Variants in ANKRD42 observed in about 807,000 individuals in gnomAD.
ANKRD42 encodes the protein ankyrin repeat domain-containing protein 42.
A neutral mutation model predicts 51.5 loss-of-function variants in ANKRD42; 43 were observed. The observed-to-expected ratio is 0.83, with a 90% confidence interval of 0.65 to 1.08. The LOEUF (loss-of-function observed/expected upper bound fraction) is 1.08, where lower values mean the gene tolerates loss of function less well. ANKRD42 is among the 50% of genes least tolerant of loss of function. The pLI, the probability that ANKRD42 is intolerant of heterozygous loss-of-function variation, is 0.00. For missense variants in ANKRD42, 608 were observed against 629.3 expected (o/e 0.97, Z 0.36); for synonymous variants, 203 against 213.0 (o/e 0.95, Z 0.41).
chr11:83,244,146 A>G (rs1863475566), intron 9 of ANKRD42, among the ~76,000 whole-genome samples: 1 of 150,642 alleles, frequency 6.6e-6, no homozygotes, highest in Non-Finnish European at 1.5e-5. Flanking sequence ...ACATCCAGCT[A>G]ATTTTTGTAT....
chr11:83,198,856 T>G (rs1220730607), intron 2 of ANKRD42, among the ~76,000 whole-genome samples: 1 of 152,222 alleles, frequency 6.6e-6, no homozygotes, highest in Non-Finnish European at 1.5e-5. Context: ...TTTATACTCA[T>G]GAACAAACCC....
At chr11:83,208,365 T>TTGTGTG (rs747551565) in intron 3 of ANKRD42, among the ~76,000 whole-genome samples, 47 of 150,402 alleles carry the variant, frequency 3.1e-4, no homozygotes, top group African/African-American at 1.1e-3. Context: ...GTGTGTGTGT[T>TTGTGTG]TGTGTGTGTG....
rs568793310 is a variant in ANKRD42, at chr11:83,219,467, T to C, written c.587-5388T>C. 7.2e-4 allele frequency among the ~76,000 whole-genome samples: 109 copies of C among 152,290 alleles called. 1 individual carries two copies. In the East Asian group the frequency reaches 0.015, roughly 21 times the overall value. ...CTTCAAGGAGAAATCTCTGAATTAG[T>C]GACAGGAGGCGTATAGTAAGTTTAA... On this transcript the variant is annotated intron_variant, in intron 5 of 10. Coordinates refer to ENST00000533342, the MANE Select transcript of ANKRD42 (RefSeq NM_001300975.2).
intron 2 of ANKRD42, among the ~76,000 whole-genome samples, chr11:83,200,939 A>G (rs939037794): frequency 7.9e-5 from 12 of 152,036 alleles, no homozygotes; most frequent in Admixed American, 7.9e-4. Context: ...AAATTAGTCT[A>G]CTGTTCCATA....
In ANKRD42 at chr11:83,225,068, G is replaced by C; in HGVS notation, c.787+13G>C. The C allele has an allele frequency of 6.2e-7, 1 of 1,600,884 alleles. No homozygotes were observed. The highest frequency in any genetic ancestry group is 8.6e-7 in the Non-Finnish European group (1 of 1,169,572). The stretch of plus-strand genomic sequence containing the variant: ...GAGGATCAGGAAAGTAAGTAATTAA[G>C]TTATATGTTCTAGCATATAATGTGA... On this transcript the variant is annotated intron_variant, in intron 6 of 10. Coordinates refer to ENST00000533342, the MANE Select transcript of ANKRD42 (RefSeq NM_001300975.2).
At chr11:83,206,490 C>T (rs747674144) in intron 3 of ANKRD42, among the ~76,000 whole-genome samples, 11 of 152,228 alleles carry the variant, frequency 7.2e-5, no homozygotes, top group Middle Eastern at 3.4e-3. Context: ...AAATCTTAAC[C>T]CCAAGGTGAT....
chr11:83,227,675 A>G (rs1862931102), intron 6 of ANKRD42, 72 bp from the exon 7 acceptor site: 1 of 1,488,732 alleles, frequency 6.7e-7, no homozygotes, highest in South Asian at 1.4e-5. Context: ...AACCTGAAAT[A>G]TATGACAGCT....
rs1372925327 is a variant in ANKRD42, at chr11:83,194,359, G to A, written c.-312G>A. The A allele has an allele frequency of 1.2e-5, 7 of 593,124 alleles. No individual in the cohort carries two copies. The highest frequency in any genetic ancestry group is 1.9e-5 in the Non-Finnish European group (6 of 315,826). The allele number at this position is 593,124 out of a possible 1,614,324, so 36.7% of individuals were successfully genotyped here. A position where few individuals can be genotyped will look rare whatever the true frequency, so the allele number is the denominator to read the frequency against. On this transcript the variant is annotated 5_prime_UTR_variant, in exon 1 of 11. Transcript: ENST00000533342. The stretch of plus-strand genomic sequence containing the variant: ...CTGGGAGGGAGGGAGTGTCGAAGGC[G>A]GCCACAGCGTTGGTAGTTCTTGGGA...
downstream of ANKRD42, among the ~76,000 whole-genome samples, chr11:83,249,813 T>G (rs1382386762): frequency 1.3e-5 from 2 of 152,188 alleles, no homozygotes; most frequent in African/African-American, 4.8e-5. Context: ...TTATTTTCAC[T>G]TGCAAAAGCT....
At position 83,193,756 on chromosome 11, in the gene ANKRD42, G is replaced by A. The variant is rs1203173573; in HGVS notation, c.-915G>A. On this transcript the variant is annotated 5_prime_UTR_variant, in exon 1 of 11. Transcript: ENST00000533342. ...GCCCTGCTGCCTCTCCAGCCAAGTG[G>A]CTGGAGTCGGGAGGCTGGAAAGAGA... The A allele has an allele frequency of 2.3e-6, 1 of 436,660 alleles. No homozygotes were observed. The allele number at this position is 436,660 out of a possible 1,614,324, so 27.0% of individuals were successfully genotyped here. A position where few individuals can be genotyped will look rare whatever the true frequency, so the allele number is the denominator to read the frequency against.
At chr11:83,196,028 G>A (rs1861639596) in intron 1 of ANKRD42, among the ~76,000 whole-genome samples, 1 of 151,966 alleles carries the variant, frequency 6.6e-6, no homozygotes, top group Admixed American at 6.6e-5. Context: ...TGTATTTTTA[G>A]TAGAAACGGA....
In ANKRD42 at chr11:83,248,756, C is replaced by G; in HGVS notation, c.*552C>G. ...CATGTTTGTTGTATAGTGTTAAAAA[C>G]AAGATAGATGTTCCTTCTGACACTA... On this transcript the variant is annotated 3_prime_UTR_variant, in exon 11 of 11. Coordinates refer to ENST00000533342, the MANE Select transcript of ANKRD42 (RefSeq NM_001300975.2). The G allele has an allele frequency of 1.0e-6, 1 of 975,896 alleles. No homozygotes were observed. The highest frequency in any genetic ancestry group is 1.2e-6 in the Non-Finnish European group (1 of 821,308). The allele number at this position is 975,896 out of a possible 1,614,324, so 60.5% of individuals were successfully genotyped here.
At chr11:83,214,393 T>C (rs1862448113) in intron 5 of ANKRD42, 1 of 978,794 alleles carries the variant, frequency 1.0e-6, no homozygotes, top group Non-Finnish European at 1.2e-6. Context: ...GTTTTATTTT[T>C]GTATTGTCCT....
At chr11:83,219,498 G>A (rs1430383076) in intron 5 of ANKRD42, among the ~76,000 whole-genome samples, 1 of 152,182 alleles carries the variant, frequency 6.6e-6, no homozygotes, top group African/African-American at 2.4e-5. Context: ...TTTAAAGGGG[G>A]TGGTGGATGT....
intron 5 of ANKRD42, among the ~76,000 whole-genome samples, 159 bp from the exon 6 acceptor site, chr11:83,224,696 A>G (rs1862819394): frequency 6.6e-6 from 1 of 152,116 alleles, no homozygotes; most frequent in African/African-American, 2.4e-5. Context: ...GGTGGGGGGA[A>G]TCACTTGAGC....
At chr11:83,204,570 G>A (rs150019592) in intron 2 of ANKRD42, among the ~76,000 whole-genome samples, 133 of 152,060 alleles carry the variant, frequency 8.7e-4, no homozygotes, top group South Asian at 7.9e-3. Context: ...AAGCCCAAAT[G>A]CCTCAGCATC....
At chr11:83,208,441 C>T (rs558916682) in intron 3 of ANKRD42, among the ~76,000 whole-genome samples, 8 of 151,996 alleles carry the variant, frequency 5.3e-5, no homozygotes, top group East Asian at 3.9e-4. Context: ...GGACCTTAAC[C>T]GGGGAATGAG....
At chr11:83,254,056 C>A (rs672865) in intron 11 of ANKRD42, among the ~76,000 whole-genome samples, 1 of 151,960 alleles carries the variant, frequency 6.6e-6, no homozygotes, top group African/African-American at 2.4e-5. Flanking sequence ...CTCACTGCAA[C>A]CTCCAGTTCC....
Position 83,198,472 on chromosome 11 carries a change from T to C in ANKRD42, c.59-7T>C. The C allele has an allele frequency of 6.2e-7, 1 of 1,606,506 alleles. No individual in the cohort carries two copies. The highest frequency in any genetic ancestry group is 8.5e-7 in the Non-Finnish European group (1 of 1,175,712). On this transcript the variant is annotated splice_polypyrimidine_tract_variant and splice_region_variant and intron_variant, in intron 1 of 10. Coordinates refer to ENST00000533342, the MANE Select transcript of ANKRD42 (RefSeq NM_001300975.2). ...AGTACATTGTAAGTAATTTGATTTT[T>C]CAATAGGTTCCAGGAAGAAGGTGCA...
Sources: allele counts gnomAD v4.1 joint callset (sites outside exome capture counted in the v4.1 genomes callset), GRCh38; gene constraint gnomAD v4.1.1; transcripts MANE v1.5; gene names NCBI Gene and HGNC (gene_info 2026-07-23, HGNC 2026-07-21).